The following NEK7 variants were observed in gnomAD, a reference collection of about 807,000 sequenced individuals.
NEK7 encodes serine/threonine-protein kinase Nek7.
A neutral mutation model predicts 44.6 loss-of-function variants in NEK7; 18 were observed. The observed-to-expected ratio is 0.40, with a 90% confidence interval of 0.28 to 0.60. The LOEUF is 0.60. Among genes scored for constraint, NEK7 ranks in the 20% least tolerant of loss-of-function variants. The pLI is 0.38. For synonymous variants in NEK7, 130 were observed against 121.1 expected, an observed-to-expected ratio of 1.07 and a Z score of -0.48; for missense variants, 256 against 366.5, an observed-to-expected ratio of 0.70 and a Z score of 2.46.
intron 3 of NEK7, chr1:198,256,384 C>A (rs1266272805): frequency 1.7e-5 from 28 of 1,611,696 alleles, no homozygotes; most frequent in Non-Finnish European, 2.2e-5. Context: ...CATGTTACTT[C>A]TTGGAAATCA....
At chr1:198,244,580 A>G (rs1455464487) in intron 2 of NEK7, among the ~76,000 whole-genome samples, 4 of 152,182 alleles carry the variant, frequency 2.6e-5, no homozygotes, top group East Asian at 3.8e-4. Context: ...GTTAATCCCA[A>G]TTAGTTAGTA....
At chr1:198,241,698 C>T (rs1666689312) in intron 2 of NEK7, among the ~76,000 whole-genome samples, 2 of 152,178 alleles carry the variant, frequency 1.3e-5, no homozygotes, top group Admixed American at 1.3e-4. Context: ...CTTAGTCCCT[C>T]ACTTCCTAGC....
chr1:198,210,643 A>G (rs1665734491), intron 1 of NEK7, among the ~76,000 whole-genome samples: 1 of 149,720 alleles, frequency 6.7e-6, no homozygotes, highest in Non-Finnish European at 1.5e-5. Context: ...TAGAAAGGTT[A>G]TATACCTATG....
intron 5 of NEK7, among the ~76,000 whole-genome samples, chr1:198,272,127 G>A (rs59169172): frequency 0.024 from 3,572 of 151,424 alleles, 149 homozygotes; most frequent in African/African-American, 0.081. Context: ...GTTTGAAGTC[G>A]AAGCAGTATA....
At position 198,160,923 on chromosome 1, in the gene NEK7, C is replaced by T. The variant is rs571834408; in HGVS notation, c.-29+3647C>T. Among the ~76,000 whole-genome samples the T allele has an allele frequency of 9.0e-4, 137 of 152,262 alleles. No individual in the cohort carries two copies. The Middle Eastern group carries it at 0.01, about 11-fold the overall frequency. On this transcript the variant is annotated intron_variant, in intron 1 of 9. Coordinates refer to ENST00000367385, the MANE Select transcript of NEK7 (RefSeq NM_133494.3). ...TTTTTTATTCTGAAGAAAACACTTA[C>T]AGAGTATATTTCATGCTTTTCAGTG...
At chr1:198,230,595 G>GT (rs1370123415) in intron 1 of NEK7, among the ~76,000 whole-genome samples, 1 of 151,852 alleles carries the variant, frequency 6.6e-6, no homozygotes, top group Non-Finnish European at 1.5e-5. Context: ...GATTTAATAC[G>GT]TTTTTCCTAA....
intron 1 of NEK7, among the ~76,000 whole-genome samples, chr1:198,179,057 T>C (rs1388947054): frequency 6.6e-6 from 1 of 151,678 alleles, no homozygotes; most frequent in African/African-American, 2.4e-5. Flanking sequence ...ATATGGGATA[T>C]GGTCAATATA....
chr1:198,308,792 C>T lies in NEK7; in HGVS notation c.799-10620C>T, dbSNP rs540294485. Among the ~76,000 whole-genome samples the T allele has an allele frequency of 6.6e-5, 10 of 152,304 alleles. No homozygotes were observed. In the East Asian group the frequency reaches 1.9e-3, roughly 29 times the overall value. ...TGCCATTGCTTTCACACACATCATA[C>T]TTTCTTTGGCCAAGAATCGAATTCT... is the stretch of plus-strand genomic sequence containing the variant. On this transcript the variant is annotated intron_variant, in intron 9 of 9. Transcript: ENST00000367385.
intron 1 of NEK7, among the ~76,000 whole-genome samples, chr1:198,159,276 C>T (rs530165078): frequency 3.9e-4 from 59 of 152,038 alleles, no homozygotes; most frequent in African/African-American, 1.2e-3. Flanking sequence ...GGGCGCCAGG[C>T]TGAGGGCCAG....
At chr1:198,202,519 C>T (rs1433775740) in intron 1 of NEK7, among the ~76,000 whole-genome samples, 1 of 152,132 alleles carries the variant, frequency 6.6e-6, no homozygotes, top group Non-Finnish European at 1.5e-5. Flanking sequence ...GTGAGTGTTA[C>T]CAGAAATCAC....
At chr1:198,160,718 G>A (rs1664079515) in intron 1 of NEK7, among the ~76,000 whole-genome samples, 1 of 152,098 alleles carries the variant, frequency 6.6e-6, no homozygotes, top group African/African-American at 2.4e-5. Context: ...GAATATGGAT[G>A]AATAACATTT....
Position 198,319,611 on chromosome 1 carries a change from A to C in NEK7, c.*89A>C. 2.9e-6 allele frequency: 4 copies of C among 1,382,096 alleles called. No individual in the cohort carries two copies. Among genetic ancestry groups the C allele is most frequent in the Non-Finnish European group, 3.8e-6 (4 of 1,058,390 alleles). 85.6% of individuals were successfully genotyped at this position (1,382,096 alleles called of 1,614,324 possible). A position where few individuals can be genotyped will look rare whatever the true frequency, so the allele number is the denominator to read the frequency against. ...CCCATTTATGTCTGGTGTTAAGATT[A>C]ATATTTCAGAGCTAGTGTGCTTTGA... On this transcript the variant is annotated 3_prime_UTR_variant, in exon 10 of 10. Coordinates refer to ENST00000367385, the MANE Select transcript of NEK7 (RefSeq NM_133494.3).
At chr1:198,159,261 G>C (rs964894980) in intron 1 of NEK7, among the ~76,000 whole-genome samples, 3 of 152,110 alleles carry the variant, frequency 2.0e-5, no homozygotes, top group Non-Finnish European at 2.9e-5. Flanking sequence ...GGATGTCTGC[G>C]GAAGGGGCGC....
chr1:198,272,810 T>C (rs1653896463), intron 5 of NEK7, among the ~76,000 whole-genome samples: 1 of 151,842 alleles, frequency 6.6e-6, no homozygotes, highest in Non-Finnish European at 1.5e-5. Flanking sequence ...GTTGATCTTT[T>C]AGTTTTTTAA....
chr1:198,198,635 A>G (rs1397783480), intron 1 of NEK7, among the ~76,000 whole-genome samples: 1 of 152,100 alleles, frequency 6.6e-6, no homozygotes, highest in East Asian at 1.9e-4. Flanking sequence ...GTTTTTTGGC[A>G]ATTTGTTGCC....
chr1:198,198,654 T>C (rs1665316304), intron 1 of NEK7, among the ~76,000 whole-genome samples: 1 of 152,198 alleles, frequency 6.6e-6, no homozygotes, highest in South Asian at 2.1e-4. Flanking sequence ...CCCTGATAAT[T>C]AAATCCTTGG....
chr1:198,263,464 TTC>T (rs1490097851), intron 4 of NEK7, among the ~76,000 whole-genome samples: 1 of 151,906 alleles, frequency 6.6e-6, no homozygotes, highest in Non-Finnish European at 1.5e-5. Context: ...CACCCATACT[TTC>T]TGCATAATTT....
chr1:198,276,585 A>G (rs1438422273), intron 5 of NEK7, among the ~76,000 whole-genome samples: 1 of 151,766 alleles, frequency 6.6e-6, no homozygotes, highest in Non-Finnish European at 1.5e-5. Flanking sequence ...GGTTTCTAAC[A>G]TTTTAGTAAG....
intron 9 of NEK7, among the ~76,000 whole-genome samples, chr1:198,309,945 T>C (rs1655125387): frequency 6.6e-6 from 1 of 152,128 alleles, no homozygotes; most frequent in Non-Finnish European, 1.5e-5. Context: ...TTATAGTCCT[T>C]TGGGTATATA....
Sources: gnomAD v4.1 joint callset for allele counts (sites outside exome capture counted in the v4.1 genomes callset) on GRCh38, gnomAD v4.1.1 for gene constraint, MANE v1.5 for transcripts, NCBI Gene and HGNC (gene_info 2026-07-23, HGNC 2026-07-21) for gene names.